The following PRMT7 variants were observed in gnomAD, a reference collection of about 807,000 sequenced individuals.
The protein encoded by PRMT7 is protein arginine methyltransferase 7.
Under a neutral mutation model 85.4 loss-of-function variants are expected in PRMT7, and 75 were observed. The observed-to-expected ratio is 0.88, with a 90% CI of 0.73 to 1.06. The LOEUF (loss-of-function observed/expected upper bound fraction) is 1.06. Among genes scored for constraint, PRMT7 ranks in the 50% least tolerant of loss-of-function variants. The pLI, the probability that PRMT7 is intolerant of heterozygous loss-of-function variation, is 0.00. For synonymous variants in PRMT7, 397 were observed against 359.5 expected (o/e 1.10, Z -1.18); for missense variants, 868 against 915.2 (o/e 0.95, Z 0.67).
chr16:68,312,019 GT>G (rs2043824890), intron 1 of PRMT7, 22 bp from the exon 2 acceptor site: 1 of 151,702 alleles, frequency 6.6e-6, no homozygotes, highest in Admixed American at 6.6e-5. Context: ...AATAAATTTT[GT>G]TATTTTATTT....
At chr16:68,316,482 T>A (rs1167320912) in intron 3 of PRMT7, among the ~76,000 whole-genome samples, 1 of 152,154 alleles carries the variant, frequency 6.6e-6, no homozygotes, top group African/African-American at 2.4e-5. Context: ...ATGTGAGTTG[T>A]TGGCCAGGCG....
Position 68,355,901 on chromosome 16 carries a change from T to TG in PRMT7, c.1811+24dup, listed in dbSNP as rs1250293727. ...CTCAGAAGGTGGGTGCAGAGAGGGC[T>TG]GGGGGGCAGGGAGGGGCTGCTGCTT... On this transcript the variant is annotated intron_variant, in intron 17 of 18. Transcript: ENST00000441236. The TG allele has an allele frequency of 2.6e-6, 4 of 1,552,020 alleles. No individual in the cohort carries two copies. In the East Asian group the frequency reaches 7.0e-5, roughly 27 times the overall value.
At chr16:68,354,007 T>A (rs1334595137) in intron 16 of PRMT7, among the ~76,000 whole-genome samples, 1 of 152,142 alleles carries the variant, frequency 6.6e-6, no homozygotes, top group Non-Finnish European at 1.5e-5. Context: ...GCGCCAGTGG[T>A]CCTTGGATTC....
At chr16:68,336,070 C>T (rs2084646519) in intron 6 of PRMT7, among the ~76,000 whole-genome samples, 1 of 152,198 alleles carries the variant, frequency 6.6e-6, no homozygotes, top group Non-Finnish European at 1.5e-5. Flanking sequence ...AGCCACCGCG[C>T]CCGGCCCCTG....
At chr16:68,322,862 C>T (rs1401698021) in intron 4 of PRMT7, among the ~76,000 whole-genome samples, 1 of 151,950 alleles carries the variant, frequency 6.6e-6, no homozygotes, top group Non-Finnish European at 1.5e-5. Flanking sequence ...GAAACCCCGT[C>T]CCTACTAAAA....
downstream of PRMT7, chr16:68,359,566 T>TGC (rs2089110623): frequency 6.5e-6 from 1 of 152,748 alleles, no homozygotes; most frequent in Non-Finnish European, 1.5e-5. Context: ...TGGTCCCTCT[T>TGC]GCAGCTCAAT....
chr16:68,360,404 G>A (rs1532211), downstream of PRMT7: 84,685 of 152,030 alleles, frequency 0.56, 23,968 homozygotes, highest in East Asian at 0.78. Flanking sequence ...CCACTGCCCA[G>A]ATGGGAGGCT....
intron 14 of PRMT7, among the ~76,000 whole-genome samples, 165 bp downstream of exon 14, chr16:68,348,596 A>G (rs1434231425): frequency 7.1e-6 from 1 of 140,942 alleles, no homozygotes; most frequent in Non-Finnish European, 1.5e-5. Flanking sequence ...TGAAGCTTTC[A>G]TGGAGCTGCC....
chr16:68,335,017 G>T (rs1276084406), intron 6 of PRMT7, among the ~76,000 whole-genome samples: 1 of 152,044 alleles, frequency 6.6e-6, no homozygotes, highest in Non-Finnish European at 1.5e-5. Context: ...GGCTGGTATC[G>T]AACTCCTGGC....
chr16:68,345,599 C>T, intron 9 of PRMT7, 76 bp from the exon 10 acceptor site: 1 of 1,594,620 alleles, frequency 6.3e-7, no homozygotes, highest in Non-Finnish European at 8.5e-7. Context: ...TGGCAGTTCT[C>T]TGGCATTTGG....
In PRMT7 at chr16:68,324,880, C is replaced by T. The variant is rs767150174; in HGVS notation, c.282+48C>T. 16 of 1,603,710 alleles carry T rather than the reference C, an allele frequency of 1.0e-5. No individual in the cohort carries two copies. The South Asian group carries it at 1.7e-4, about 17-fold the overall frequency. Reference sequence around the variant, plus strand: ...GTGTCCTGCATCTTGCATGGGAAATCCCCTATGCTCTTGCACTTTCCCCGT... The same window carrying T: ...GTGTCCTGCATCTTGCATGGGAAATTCCCTATGCTCTTGCACTTTCCCCGT... On this transcript the variant is annotated intron_variant, in intron 5 of 18. Transcript: ENST00000441236.
At chr16:68,333,576 G>A (rs2084228907) in intron 6 of PRMT7, among the ~76,000 whole-genome samples, 1 of 151,942 alleles carries the variant, frequency 6.6e-6, no homozygotes, top group Non-Finnish European at 1.5e-5. Context: ...TTCTGCCTCA[G>A]CCTCCCAAAG....
intron 6 of PRMT7, among the ~76,000 whole-genome samples, chr16:68,330,688 A>G (rs1489250306): frequency 6.6e-6 from 1 of 151,992 alleles, no homozygotes; most frequent in African/African-American, 2.4e-5. Context: ...TCTGCCTCCC[A>G]TGTTCAAGCG....
chr16:68,324,666 G>A lies in PRMT7; in HGVS notation c.133-17G>A, dbSNP rs903826481. ...CTTATAATAACTGGTAGTAAGTGAC[G>A]GCCATGTCTTCCTTAGAATGTAAAA... is the stretch of plus-strand genomic sequence containing the variant. On this transcript the variant is annotated splice_polypyrimidine_tract_variant and intron_variant, in intron 4 of 18. Coordinates refer to ENST00000441236, the MANE Select transcript of PRMT7 (RefSeq NM_019023.5). 14 of 1,613,632 alleles carry A rather than the reference G, an allele frequency of 8.7e-6. No homozygotes were observed. The East Asian group carries it at 1.3e-4, about 15-fold the overall frequency.
intron 5 of PRMT7, 100 bp from the exon 6 acceptor site, chr16:68,328,966 T>C (rs1052845445): frequency 1.4e-5 from 11 of 768,166 alleles, no homozygotes; most frequent in Admixed American, 1.1e-4. Flanking sequence ...AAGTTACATA[T>C]CTTAGGACCA....
chr16:68,354,171 C>T (rs1042013415), intron 16 of PRMT7, among the ~76,000 whole-genome samples: 3 of 152,228 alleles, frequency 2.0e-5, no homozygotes, highest in South Asian at 4.1e-4. Context: ...TGAGCCCAGA[C>T]GTTTGAGACC....
At chr16:68,339,177 A>T (rs2085150322) in intron 7 of PRMT7, 145 bp from the exon 8 acceptor site, 1 of 1,064,572 alleles carries the variant, frequency 9.4e-7, no homozygotes, top group Non-Finnish European at 1.3e-6. Flanking sequence ...TAGGGCTGAA[A>T]ACAGTTCACT....
chr16:68,322,480 G>T (rs2082612967), intron 4 of PRMT7: 1 of 431,238 alleles, frequency 2.3e-6, no homozygotes, highest in Non-Finnish European at 4.7e-6. Flanking sequence ...TTATGGGCAT[G>T]AGCTACTGCG....
chr16:68,311,205 C>T, intron 1 of PRMT7, 106 bp downstream of exon 1: 1 of 555,690 alleles, frequency 1.8e-6, no homozygotes, highest in South Asian at 1.9e-5. Context: ...CTAGCGTGGG[C>T]CTACTTGGAC....
Sources: gnomAD v4.1 joint callset for allele counts (sites outside exome capture counted in the v4.1 genomes callset) on GRCh38, gnomAD v4.1.1 for gene constraint, MANE v1.5 for transcripts, NCBI Gene and HGNC (gene_info 2026-07-23, HGNC 2026-07-21) for gene names.